Variants in PAPOLA observed in about 807,000 individuals in gnomAD.
PAPOLA encodes the protein poly(A) polymerase alpha, also known as polynucleotide adenylyltransferase alpha.
A neutral mutation model predicts 100.6 loss-of-function variants in PAPOLA; 15 were observed. The ratio of observed to expected loss-of-function variants is 0.15; its 90% CI spans 0.10 to 0.23. The LOEUF is 0.23. Ranked by LOEUF, PAPOLA falls within the 10% of genes least tolerant of loss-of-function variation. PAPOLA has a pLI of 1.00. For synonymous variants in PAPOLA, 293 were observed against 300.0 expected, an observed-to-expected ratio of 0.98 and a Z score of 0.24; for missense variants, 533 against 884.2, an observed-to-expected ratio of 0.60 and a Z score of 5.04.
At chr14:96,535,553 T>C in intron 10 of PAPOLA, 20 of 1,010,534 alleles carry the variant, frequency 2.0e-5, no homozygotes, top group Non-Finnish European at 2.4e-5. Flanking sequence ...TAATTGTATG[T>C]GCATCCCCAT....
intron 19 of PAPOLA, among the ~76,000 whole-genome samples, chr14:96,558,716 T>C (rs1901561768): frequency 1.3e-5 from 2 of 152,166 alleles, no homozygotes; most frequent in Admixed American, 1.3e-4. Flanking sequence ...TCTCTTGCCA[T>C]TGAATTACTT....
rs959937148 is a variant in PAPOLA at position 96,535,711 on chromosome 14, A to G, written c.910-168A>G. On this transcript the variant is annotated intron_variant, in intron 10 of 21. Coordinates refer to ENST00000216277, the MANE Select transcript of PAPOLA (RefSeq NM_032632.5). The stretch of plus-strand genomic sequence containing the variant: ...GTTTAGATGAAATCTTTGATTCTAT[A>G]AAAAATTCCTATAAAAACAATGTCT... 4 of 813,496 alleles carry G rather than the reference A, an allele frequency of 4.9e-6. No individual in the cohort carries two copies. The South Asian group carries it at 1.8e-4, about 36-fold the overall frequency. The allele number at this position is 813,496 out of a possible 1,614,324, so 50.4% of individuals were successfully genotyped here. A position where few individuals can be genotyped will look rare whatever the true frequency, so the allele number is the denominator to read the frequency against.
intron 21 of PAPOLA, among the ~76,000 whole-genome samples, chr14:96,564,168 G>A (rs369204161): frequency 1.3e-5 from 2 of 152,028 alleles, no homozygotes; most frequent in South Asian, 2.1e-4. Context: ...CTAATAAAGA[G>A]TTCTTATTGT....
At chr14:96,547,749 C>A in intron 15 of PAPOLA, 48 bp from the exon 16 acceptor site, 1 of 1,473,936 alleles carries the variant, frequency 6.8e-7, no homozygotes. Flanking sequence ...GTATAACTGC[C>A]TTTATTAAAA....
intron 16 of PAPOLA, among the ~76,000 whole-genome samples, chr14:96,551,288 G>A (rs1900827127): frequency 6.6e-6 from 1 of 152,196 alleles, no homozygotes; most frequent in South Asian, 2.1e-4. Context: ...CTGTAGAACT[G>A]AATATAATTT....
intron 10 of PAPOLA, 47 bp downstream of exon 10, chr14:96,534,610 A>G: frequency 6.2e-7 from 1 of 1,612,762 alleles, no homozygotes; most frequent in Non-Finnish European, 8.5e-7. Flanking sequence ...GTGCAATAAC[A>G]AGTAAAAATC....
At chr14:96,530,768 C>T (rs767749498) in intron 6 of PAPOLA, among the ~76,000 whole-genome samples, 2 of 152,186 alleles carry the variant, frequency 1.3e-5, no homozygotes, top group South Asian at 2.1e-4. Flanking sequence ...GGGACATTGT[C>T]GTGTTCATAG....
At chr14:96,524,057 G>GT (rs1424690068) in intron 3 of PAPOLA, among the ~76,000 whole-genome samples, 1 of 151,906 alleles carries the variant, frequency 6.6e-6, no homozygotes, top group African/African-American at 2.4e-5. Flanking sequence ...TGGCTTTAGG[G>GT]TTTTTTTGGA....
In PAPOLA at chr14:96,565,639, C is replaced by T. The variant is rs565275755; in HGVS notation, c.*589C>T. On this transcript the variant is annotated 3_prime_UTR_variant, in exon 22 of 22. Coordinates refer to ENST00000216277, the MANE Select transcript of PAPOLA (RefSeq NM_032632.5). The stretch of plus-strand genomic sequence containing the variant: ...AAAATGAAACGTCAACTCTAGGGTA[C>T]ATTTGACATTGAAAGAATAGTTAGG... The T allele has an allele frequency of 9.2e-4, 364 of 396,306 alleles. No homozygotes were observed. The highest frequency in any genetic ancestry group is 1.4e-3 in the Non-Finnish European group (315 of 224,756). The allele number at this position is 396,306 out of a possible 1,614,324, so 24.5% of individuals were successfully genotyped here. A position where few individuals can be genotyped will look rare whatever the true frequency, so the allele number is the denominator to read the frequency against.
At chr14:96,547,744 A>G in intron 15 of PAPOLA, 53 bp from the exon 16 acceptor site, 1 of 1,430,756 alleles carries the variant, frequency 7.0e-7, no homozygotes, top group Non-Finnish European at 9.6e-7. Context: ...AGTGAGTATA[A>G]CTGCCTTTAT....
Position 96,502,806 on chromosome 14 carries a change from C to T in PAPOLA, c.8+206C>T. The T allele has an allele frequency of 9.5e-6, 5 of 524,054 alleles. No homozygotes were observed. The South Asian group carries it at 1.1e-4, about 12-fold the overall frequency. 32.5% of individuals were successfully genotyped at this position (524,054 alleles called of 1,614,324 possible). On this transcript the variant is annotated intron_variant, in intron 1 of 21. Coordinates refer to ENST00000216277, the MANE Select transcript of PAPOLA (RefSeq NM_032632.5). ...GTGCTGGGTTCCCGCGTCCCCCGAC[C>T]CTTCCTGGCTGGGTCAGCTGCCGTC...
intron 13 of PAPOLA, 113 bp from the exon 14 acceptor site, chr14:96,542,661 C>G: frequency 1.0e-6 from 1 of 994,630 alleles, no homozygotes; most frequent in Non-Finnish European, 1.5e-6. Flanking sequence ...CATAAGGCTT[C>G]TGGTTTTATC....
Position 96,546,913 on chromosome 14 carries a change from T to A in PAPOLA, c.1400-884T>A, listed in dbSNP as rs545955443. Among the ~76,000 whole-genome samples, 34 of 152,246 alleles carry A rather than the reference T, an allele frequency of 2.2e-4. 1 individual carries two copies. Among genetic ancestry groups the A allele is most frequent in the South Asian group, 4.1e-4 (2 of 4,824 alleles). Reference sequence around the variant, plus strand: ...GGCATTTTGTTCTTGATGTTTGCTTTCTCTGGAATGCTATTTCACCAGGTA... The same window carrying A: ...GGCATTTTGTTCTTGATGTTTGCTTACTCTGGAATGCTATTTCACCAGGTA... On this transcript the variant is annotated intron_variant, in intron 15 of 21. Coordinates refer to ENST00000216277, the MANE Select transcript of PAPOLA (RefSeq NM_032632.5).
At chr14:96,534,240 A>G in intron 9 of PAPOLA, 6 of 1,311,940 alleles carry the variant, frequency 4.6e-6, no homozygotes, top group Non-Finnish European at 5.8e-6. Flanking sequence ...ATAGTCCTTT[A>G]AAGTTCTTTG....
chr14:96,535,534 C>T (rs1483737627), intron 10 of PAPOLA: 1 of 997,750 alleles, frequency 1.0e-6, no homozygotes, highest in Non-Finnish European at 1.2e-6. Context: ...CATGACATGT[C>T]TCTAAAGGTA....
At chr14:96,503,488 T>G (rs1259877739) in intron 1 of PAPOLA, among the ~76,000 whole-genome samples, 1 of 152,188 alleles carries the variant, frequency 6.6e-6, no homozygotes, top group African/African-American at 2.4e-5. Flanking sequence ...AGATATAATT[T>G]GGCAGCTCAT....
chr14:96,546,565 C>A (rs1180337052), intron 15 of PAPOLA, among the ~76,000 whole-genome samples: 1 of 152,020 alleles, frequency 6.6e-6, no homozygotes, highest in Non-Finnish European at 1.5e-5. Flanking sequence ...AGTTTTGGAG[C>A]CAGAAGGGTA....
At position 96,565,474 on chromosome 14, in the gene PAPOLA, G is replaced by C. The variant is rs1000999227; in HGVS notation, c.*424G>C. 4 of 378,816 alleles carry C rather than the reference G, an allele frequency of 1.1e-5. No homozygotes were observed. The highest frequency in any genetic ancestry group is 1.9e-5 in the Non-Finnish European group (4 of 212,262). The allele number at this position is 378,816 out of a possible 1,614,324, so 23.5% of individuals were successfully genotyped here. A position where few individuals can be genotyped will look rare whatever the true frequency, so the allele number is the denominator to read the frequency against. ...CTAATTTTAGATTTTCAGCTTGATG[G>C]ATTTTCAGTTTTTCCTGAAGAATTT... is the stretch of plus-strand genomic sequence containing the variant. On this transcript the variant is annotated 3_prime_UTR_variant, in exon 22 of 22. Coordinates refer to ENST00000216277, the MANE Select transcript of PAPOLA (RefSeq NM_032632.5).
intron 6 of PAPOLA, among the ~76,000 whole-genome samples, chr14:96,530,106 A>G (rs145721326): frequency 4.7e-4 from 72 of 152,350 alleles, no homozygotes; most frequent in African/African-American, 1.7e-3. Context: ...GTTCTCATGT[A>G]TAATGAGATC....
Sources: gnomAD v4.1 joint callset for allele counts (sites outside exome capture counted in the v4.1 genomes callset) on GRCh38, gnomAD v4.1.1 for gene constraint, MANE v1.5 for transcripts, NCBI Gene and HGNC (gene_info 2026-07-23, HGNC 2026-07-21) for gene names.